EIF4G3: variants seen among roughly 807,000 people sequenced by gnomAD.
EIF4G3 encodes eIF-4-gamma 3.
EIF4G3 carries 34 observed loss-of-function variants against 186.4 expected under a neutral mutation model. That is an observed-to-expected ratio of 0.18 (90% CI 0.14 to 0.24). The LOEUF (loss-of-function observed/expected upper bound fraction) is 0.24. Among genes scored for constraint, EIF4G3 ranks in the 10% least tolerant of loss-of-function variants. EIF4G3 has a pLI of 1.00. For missense variants in EIF4G3, 1,536 were observed against 1,948.5 expected (o/e 0.79, Z 3.99); for synonymous variants, 673 against 679.5 (o/e 0.99, Z 0.15).
chr1:20,978,167 A>C (rs2077226666), intron 10 of EIF4G3, among the ~76,000 whole-genome samples: 1 of 152,176 alleles, frequency 6.6e-6, no homozygotes, highest in African/African-American at 2.4e-5. Flanking sequence ...TTAAGTTTTC[A>C]GAATAAGGAC....
At chr1:20,902,975 G>C (rs2090889526) in intron 15 of EIF4G3, among the ~76,000 whole-genome samples, 1 of 152,162 alleles carries the variant, frequency 6.6e-6, no homozygotes, top group African/African-American at 2.4e-5. Context: ...AAAAGTGATT[G>C]GTTCAAAATA....
chr1:20,992,185 C>T (rs1364314648), intron 7 of EIF4G3, among the ~76,000 whole-genome samples: 1 of 152,074 alleles, frequency 6.6e-6, no homozygotes. Flanking sequence ...CTCCAAAAAA[C>T]AAAAAGTTCA....
At chr1:20,948,837 C>T (rs890971021) in intron 13 of EIF4G3, among the ~76,000 whole-genome samples, 19 of 151,216 alleles carry the variant, frequency 1.3e-4, no homozygotes, top group Non-Finnish European at 2.5e-4. Flanking sequence ...GGTGAAACCC[C>T]GTCTATACTA....
intron 35 of EIF4G3, among the ~76,000 whole-genome samples, chr1:20,812,028 A>AG (rs2059345394): frequency 6.6e-6 from 1 of 152,232 alleles, no homozygotes; most frequent in African/African-American, 2.4e-5. Flanking sequence ...AATGATAAAA[A>AG]GGGGCTGAGA....
At chr1:21,174,451 G>A (rs1343271939) in intron 2 of EIF4G3, among the ~76,000 whole-genome samples, 2 of 152,158 alleles carry the variant, frequency 1.3e-5, no homozygotes, top group Non-Finnish European at 2.9e-5. Flanking sequence ...ACCTACTACA[G>A]GTTTCCTTTT....
At chr1:20,945,796 G>A (rs1274247930) in intron 13 of EIF4G3, among the ~76,000 whole-genome samples, 2 of 152,040 alleles carry the variant, frequency 1.3e-5, no homozygotes, top group African/African-American at 4.8e-5. Flanking sequence ...GAATTTGTTT[G>A]TTTGTTTGTT....
rs968267656 is a variant in EIF4G3 at position 20,810,019 on chromosome 1, G to A, written c.4744+719C>T. On this transcript the variant is annotated intron_variant, in intron 36 of 36. Coordinates refer to ENST00000602326, the MANE Select transcript of EIF4G3 (RefSeq NM_001391906.1). This position sits in a 1 kb window ranked among gnomAD's most constrained non-coding sequence, Gnocchi z 4.1. ...AGAGTCTTGCTCTGTTGTCCAGGCC[G>A]GAGTGCAGTGGCGCCATCTTGGCTT... 9.2e-5 allele frequency among the ~76,000 whole-genome samples: 14 copies of A among 151,556 alleles called. No individual in the cohort carries two copies. The highest frequency in any genetic ancestry group is 5.8e-4 in the East Asian group (3 of 5,182).
intron 3 of EIF4G3, among the ~76,000 whole-genome samples, chr1:21,087,638 A>ATT (rs758934486): frequency 1.0e-5 from 1 of 96,038 alleles, no homozygotes; most frequent in Non-Finnish European, 2.5e-5. Context: ...ACCAAAAAAA[A>ATT]TTTTTTTTTT....
chr1:20,891,596 C>A (rs1371033797), intron 18 of EIF4G3, among the ~76,000 whole-genome samples: 7 of 147,122 alleles, frequency 4.8e-5, no homozygotes, highest in Admixed American at 1.4e-4. Flanking sequence ...CACGGTGAAA[C>A]CCCGTCTCTA....
At chr1:21,131,778 G>A (rs1262964462) in intron 2 of EIF4G3, among the ~76,000 whole-genome samples, 1 of 152,068 alleles carries the variant, frequency 6.6e-6, no homozygotes, top group Non-Finnish European at 1.5e-5. Flanking sequence ...TTTGAGACTA[G>A]CCTAGCCAAC....
chr1:20,999,637 A>G lies in EIF4G3; in HGVS notation c.144+1562T>C, dbSNP rs536610754. ...CTTATAAAATTACATATATATAAAAACAAAAGCGAAAAAGAAAACCCCAAC... is the reference window on the plus strand; with the variant it reads ...CTTATAAAATTACATATATATAAAAGCAAAAGCGAAAAAGAAAACCCCAAC... On this transcript the variant is annotated intron_variant, in intron 6 of 36. Coordinates refer to ENST00000602326, the MANE Select transcript of EIF4G3 (RefSeq NM_001391906.1). The G allele has an allele frequency of 1.5e-5, 6 of 402,510 alleles. No homozygotes were observed. In the East Asian group the frequency reaches 4.4e-4, roughly 29 times the overall value. The allele number at this position is 402,510 out of a possible 1,614,324, so 24.9% of individuals were successfully genotyped here.
At chr1:20,972,675 G>C (rs1315540739) in intron 11 of EIF4G3, among the ~76,000 whole-genome samples, 1 of 151,968 alleles carries the variant, frequency 6.6e-6, no homozygotes, top group Non-Finnish European at 1.5e-5. Context: ...GGAGAGTCTA[G>C]ATGTGAGAAC....
chr1:20,855,828 C>T (rs2074721481), intron 25 of EIF4G3, among the ~76,000 whole-genome samples: 1 of 152,024 alleles, frequency 6.6e-6, no homozygotes, highest in Admixed American at 6.6e-5. Context: ...TCTAGGATAC[C>T]CATGTATAGT....
chr1:20,936,499 G>A (rs1284776095), intron 14 of EIF4G3, among the ~76,000 whole-genome samples: 1 of 152,132 alleles, frequency 6.6e-6, no homozygotes, highest in African/African-American at 2.4e-5. Context: ...TAGGCCAACA[G>A]GATACTCAAA....
intron 30 of EIF4G3, among the ~76,000 whole-genome samples, chr1:20,837,355 G>A (rs747157817): frequency 9.2e-5 from 14 of 152,084 alleles, no homozygotes; most frequent in East Asian, 3.9e-4. Context: ...ACAGGCATGC[G>A]CCACCATGCC....
At position 20,815,432 on chromosome 1, in the gene EIF4G3, C is replaced by T. The variant is rs1312680517; in HGVS notation, c.4515+1960G>A. Among the ~76,000 whole-genome samples the T allele has an allele frequency of 4.7e-5, 7 of 147,446 alleles. 1 individual carries two copies. In the South Asian group the frequency reaches 6.9e-4, roughly 14 times the overall value. ...TGAGTGGGGAGCGCCTCTGCCCCGC[C>T]GCCCTGTCTAGGATGTGAGGAGCGC... On this transcript the variant is annotated intron_variant, in intron 34 of 36. Coordinates refer to ENST00000602326, the MANE Select transcript of EIF4G3 (RefSeq NM_001391906.1).
chr1:20,814,764 C>CCCTCT (rs2060057187), intron 34 of EIF4G3, among the ~76,000 whole-genome samples: 1 of 56,986 alleles, frequency 1.8e-5, no homozygotes, highest in East Asian at 7.8e-4. Context: ...CCTCCCCCTC[C>CCCTCT]CCCTCCCCCT....
intron 11 of EIF4G3, 60 bp downstream of exon 11, chr1:20,972,942 T>C: frequency 7.2e-7 from 1 of 1,387,026 alleles, no homozygotes; most frequent in Non-Finnish European, 9.8e-7. Context: ...TACGTAAACT[T>C]ATCTGATAAG....
intron 3 of EIF4G3, among the ~76,000 whole-genome samples, chr1:21,051,346 A>G (rs79778716): frequency 0.029 from 4,411 of 152,286 alleles, 136 homozygotes; most frequent in East Asian, 0.14. Context: ...TGAAAGAGGA[A>G]GGAGATGACT....
Sources: allele counts gnomAD v4.1 joint callset (sites outside exome capture counted in the v4.1 genomes callset), GRCh38; gene constraint gnomAD v4.1.1; non-coding constraint Gnocchi (gnomAD v3.1); transcripts MANE v1.5; gene names NCBI Gene and HGNC (gene_info 2026-07-23, HGNC 2026-07-21).